Variants in BMPR1B observed in about 807,000 individuals in gnomAD.
BMPR1B encodes the protein bone morphogenetic protein receptor type 1B.
Under a neutral mutation model 59.1 loss-of-function variants are expected in BMPR1B, and 12 were observed. That is an observed-to-expected ratio of 0.20 (90% CI 0.13 to 0.33). BMPR1B has a LOEUF of 0.33. Among genes scored for constraint, BMPR1B ranks in the 10% least tolerant of loss-of-function variants. The pLI, the probability that BMPR1B is intolerant of heterozygous loss-of-function variation, is 1.00. For missense variants in BMPR1B, 550 were observed against 610.9 expected (o/e 0.90, Z 1.05); for synonymous variants, 237 against 207.3 (o/e 1.14, Z -1.23).
chr4:95,132,321 ACT>A (rs1733418689), intron 10 of BMPR1B, among the ~76,000 whole-genome samples: 1 of 152,070 alleles, frequency 6.6e-6, no homozygotes, highest in Non-Finnish European at 1.5e-5. Context: ...TCTAAGTAAG[ACT>A]CTGTAATACA....
intron 1 of BMPR1B, among the ~76,000 whole-genome samples, chr4:94,853,763 C>G (rs942104319): frequency 4.6e-5 from 7 of 152,118 alleles, no homozygotes; most frequent in South Asian, 4.1e-4. Flanking sequence ...TTCTCCAAAT[C>G]ACTGCAAAAG....
intron 1 of BMPR1B, among the ~76,000 whole-genome samples, chr4:94,790,988 T>C: frequency 6.6e-6 from 1 of 152,224 alleles, no homozygotes; most frequent in East Asian, 1.9e-4. Flanking sequence ...GTAGGTCTTT[T>C]TGTTTGTTTG....
chr4:94,948,787 C>T (rs1729815901), intron 2 of BMPR1B, among the ~76,000 whole-genome samples: 1 of 152,102 alleles, frequency 6.6e-6, no homozygotes, highest in African/African-American at 2.4e-5. Context: ...TTTTAAACTA[C>T]AGAGATTTGC....
intron 3 of BMPR1B, among the ~76,000 whole-genome samples, chr4:95,037,051 G>A (rs1725304713): frequency 6.6e-6 from 1 of 152,140 alleles, no homozygotes; most frequent in African/African-American, 2.4e-5. Context: ...TTAGTTTCCT[G>A]TAAAGTCTGG....
chr4:95,115,588 A>G, intron 5 of BMPR1B, 97 bp from the exon 6 acceptor site: 1 of 1,023,186 alleles, frequency 9.8e-7, no homozygotes, highest in East Asian at 2.4e-5. Context: ...AGAATTTTAA[A>G]TTAGTTCTCT....
chr4:95,070,768 A>C (rs1381934611), intron 3 of BMPR1B, among the ~76,000 whole-genome samples: 1 of 152,176 alleles, frequency 6.6e-6, no homozygotes, highest in Non-Finnish European at 1.5e-5. Flanking sequence ...TTATTTAAAA[A>C]ATAGAAAAAG....
chr4:94,853,553 A>C (rs1488775935), intron 1 of BMPR1B, among the ~76,000 whole-genome samples: 1 of 152,144 alleles, frequency 6.6e-6, no homozygotes, highest in African/African-American at 2.4e-5. Flanking sequence ...TGAATTCATA[A>C]ATAAGGTAAC....
chr4:94,778,217 T>C (rs1722455887), intron 1 of BMPR1B, among the ~76,000 whole-genome samples: 2 of 152,146 alleles, frequency 1.3e-5, no homozygotes, highest in Admixed American at 6.5e-5. Flanking sequence ...TTCCTTCCCA[T>C]CTGAGTAAAC....
Position 94,921,647 on chromosome 4 carries a change from C to A in BMPR1B, c.-113+45747C>A, listed in dbSNP as rs143148319. Among the ~76,000 whole-genome samples, 233 of 152,198 alleles carry A rather than the reference C, an allele frequency of 1.5e-3. 2 individuals carry two copies. Among genetic ancestry groups the A allele is most frequent in the African/African-American group, 4.5e-3 (186 of 41,536 alleles). On this transcript the variant is annotated intron_variant, in intron 2 of 12. Coordinates refer to ENST00000515059, the MANE Select transcript of BMPR1B (RefSeq NM_001203.3). ...ATGGTGCTAAACCATTCAAGAGAAA[C>A]CTGCCCCCTTGATCCACTCATCTCC...
At chr4:95,052,397 T>C (rs1039505148) in intron 3 of BMPR1B, among the ~76,000 whole-genome samples, 6 of 152,114 alleles carry the variant, frequency 3.9e-5, no homozygotes, top group Non-Finnish European at 7.4e-5. Flanking sequence ...ATTTTAAGAG[T>C]GGTTGAGCTA....
intron 11 of BMPR1B, 131 bp downstream of exon 11, chr4:95,149,054 C>T: frequency 8.5e-7 from 1 of 1,180,284 alleles, no homozygotes; most frequent in East Asian, 2.4e-5. Flanking sequence ...TCTGTTGATG[C>T]AGTCATAGTG....
rs3068102 is a variant in BMPR1B, at chr4:95,085,989, C to CTGTGTGTGTG, written c.-17-18405_-17-18396dup. Among the ~76,000 whole-genome samples, 147 of 149,822 alleles carry CTGTGTGTGTG rather than the reference C, an allele frequency of 9.8e-4. 2 individuals carry two copies. The highest frequency in any genetic ancestry group is 3.4e-3 in the African/African-American group (140 of 40,668). ...TGTGGACATATTTGTGTGTGTGTAC[C>CTGTGTGTGTG]TGTGTGTGTGTGTGTGTGTGTGTAA... On this transcript the variant is annotated intron_variant, in intron 3 of 12. Coordinates refer to ENST00000515059, the MANE Select transcript of BMPR1B (RefSeq NM_001203.3).
intron 4 of BMPR1B, among the ~76,000 whole-genome samples, chr4:95,113,028 A>C (rs566569386): frequency 7.4e-4 from 112 of 152,244 alleles, no homozygotes; most frequent in African/African-American, 2.6e-3. Context: ...TTAGATGAGA[A>C]ATGTAAGTTA....
intron 2 of BMPR1B, among the ~76,000 whole-genome samples, chr4:94,974,084 A>T (rs1191585600): frequency 2.0e-5 from 3 of 152,198 alleles, no homozygotes; most frequent in Non-Finnish European, 4.4e-5. Flanking sequence ...ATTAAAAATT[A>T]TACTGATTTA....
intron 1 of BMPR1B, among the ~76,000 whole-genome samples, chr4:94,818,728 GA>G (rs1258932956): frequency 2.0e-5 from 3 of 152,166 alleles, no homozygotes; most frequent in African/African-American, 7.2e-5. Context: ...GTGCATGATT[GA>G]ACCTGCATAG....
intron 3 of BMPR1B, among the ~76,000 whole-genome samples, chr4:95,085,102 A>G (rs909696798): frequency 3.3e-5 from 5 of 152,078 alleles, no homozygotes; most frequent in African/African-American, 1.2e-4. Context: ...TCTTCCCCAT[A>G]CACTCATTTT....
At chr4:95,038,617 A>G (rs1300321052) in intron 3 of BMPR1B, among the ~76,000 whole-genome samples, 2 of 152,218 alleles carry the variant, frequency 1.3e-5, no homozygotes, top group African/African-American at 2.4e-5. Flanking sequence ...TTTTGGTTCA[A>G]TTTGTCAATT....
At chr4:94,858,186 G>A (rs1306487705) in intron 1 of BMPR1B, among the ~76,000 whole-genome samples, 1 of 151,876 alleles carries the variant, frequency 6.6e-6, no homozygotes, top group Non-Finnish European at 1.5e-5. Context: ...TCCTGACCTC[G>A]TGATCTGCCC....
At chr4:95,088,018 A>G (rs1231121121) in intron 3 of BMPR1B, among the ~76,000 whole-genome samples, 1 of 152,174 alleles carries the variant, frequency 6.6e-6, no homozygotes, top group African/African-American at 2.4e-5. Flanking sequence ...TTATAATTAT[A>G]TTATAAAATA....
Sources: allele counts gnomAD v4.1 joint callset (sites outside exome capture counted in the v4.1 genomes callset), GRCh38; gene constraint gnomAD v4.1.1; transcripts MANE v1.5; gene names NCBI Gene and HGNC (gene_info 2026-07-23, HGNC 2026-07-21).